MPHOSPH6: variants seen among roughly 807,000 people sequenced by gnomAD.
The protein encoded by MPHOSPH6 is M-phase phosphoprotein 6.
MPHOSPH6 carries 25 observed loss-of-function variants against 21.8 expected under a neutral mutation model. The ratio of observed to expected loss-of-function variants is 1.15; its 90% confidence interval spans 0.83 to 1.60. MPHOSPH6 has a LOEUF of 1.60. Among genes scored for constraint, MPHOSPH6 ranks in the 40% most tolerant of loss-of-function variants. MPHOSPH6 has a pLI of 0.00. For synonymous variants in MPHOSPH6, 84 were observed against 56.5 expected (o/e 1.49, Z -2.18); for missense variants, 269 against 181.8 (o/e 1.48, Z -2.76).
Position 82,149,418 on chromosome 16 carries a change from A to G in MPHOSPH6, c.256-15T>C. ...AGCATCAATTTCTGAAAAATACACC[A>G]GTGCTGACCTTCAGGCTAGAAAACG... is the stretch of plus-strand genomic sequence containing the variant. On this transcript the variant is annotated splice_polypyrimidine_tract_variant and intron_variant, in intron 3 of 4. Transcript: ENST00000258169. The G allele has an allele frequency of 1.2e-6, 2 of 1,607,754 alleles. No homozygotes were observed. Among genetic ancestry groups the G allele is most frequent in the Non-Finnish European group, 1.7e-6 (2 of 1,177,636 alleles).
In MPHOSPH6 at chr16:82,149,366, T is replaced by C; in HGVS notation, c.293A>G (p.Glu98Gly). 6.2e-7 allele frequency: 1 copy of C among 1,613,012 alleles called. No individual in the cohort carries two copies. The highest frequency in any genetic ancestry group is 2.2e-5 in the East Asian group (1 of 44,886). The change falls in exon 4 of 5, where the codon GAA (glutamate) becomes GGA (glycine). Residue 98 changes from glutamate (E) to glycine (G), a missense_variant. Physicochemically the swap from Glu to Gly is moderately conservative, Grantham distance 98 (BLOSUM62 -2). Coordinates refer to ENST00000258169, the MANE Select transcript of MPHOSPH6 (RefSeq NM_005792.2). ...MLQMNAKHKA[E>G]EVEDETVELD... Reference sequence around the variant, plus strand: ...CTCTACTGTTTCATCTTCAACTTCTTCTGCTTTGTGCTTAGCATTCATCTG... The same window carrying C: ...CTCTACTGTTTCATCTTCAACTTCTCCTGCTTTGTGCTTAGCATTCATCTG...
At chr16:82,167,139 T>C (rs1329242826) in intron 1 of MPHOSPH6, among the ~76,000 whole-genome samples, 1 of 152,220 alleles carries the variant, frequency 6.6e-6, no homozygotes, top group Non-Finnish European at 1.5e-5. Flanking sequence ...CCAAAATATT[T>C]ATCATATGGT....
Position 82,148,684 on chromosome 16 carries a change from G to T in MPHOSPH6, c.*47C>A. On this transcript the variant is annotated 3_prime_UTR_variant, in exon 5 of 5. Transcript: ENST00000258169. Reference sequence around the variant, plus strand: ...CATTGGGATGAGCTCCAGATGCCCTGCTGACTTCCACCAAGCACCCCTGGG... The same window carrying T: ...CATTGGGATGAGCTCCAGATGCCCTTCTGACTTCCACCAAGCACCCCTGGG... 1 of 1,602,034 alleles carries T rather than the reference G, an allele frequency of 6.2e-7. No individual in the cohort carries two copies.
At chr16:82,158,636 T>C (rs1304203978) in intron 2 of MPHOSPH6, among the ~76,000 whole-genome samples, 1 of 152,194 alleles carries the variant, frequency 6.6e-6, no homozygotes, top group Admixed American at 6.5e-5. Flanking sequence ...GGGTTTGGGT[T>C]CTTTGGCAGA....
chr16:82,151,853 AT>A (rs1044787992), intron 2 of MPHOSPH6, among the ~76,000 whole-genome samples: 2 of 152,244 alleles, frequency 1.3e-5, no homozygotes, highest in Admixed American at 1.3e-4. Flanking sequence ...CCCTCACCAT[AT>A]TTTTTTCCAA....
chr16:82,149,209 C>G, intron 4 of MPHOSPH6, 100 bp downstream of exon 4: 3 of 1,231,794 alleles, frequency 2.4e-6, no homozygotes, highest in East Asian at 2.3e-5. Context: ...CTGGGGGACT[C>G]CCTTGAAAGC....
At chr16:82,165,484 T>C (rs1906744627) in intron 1 of MPHOSPH6, among the ~76,000 whole-genome samples, 1 of 152,126 alleles carries the variant, frequency 6.6e-6, no homozygotes, top group Admixed American at 6.5e-5. Context: ...TTTTTAGGCA[T>C]AAGCACTTTA....
intron 2 of MPHOSPH6, among the ~76,000 whole-genome samples, chr16:82,156,062 T>C (rs1164255169): frequency 2.0e-5 from 3 of 152,136 alleles, no homozygotes; most frequent in Non-Finnish European, 4.4e-5. Flanking sequence ...GAAAATATCT[T>C]ACCATCTTGG....
At chr16:82,166,931 A>T (rs1906800793) in intron 1 of MPHOSPH6, among the ~76,000 whole-genome samples, 1 of 152,172 alleles carries the variant, frequency 6.6e-6, no homozygotes, top group African/African-American at 2.4e-5. Flanking sequence ...TACAAGTTCG[A>T]TTCTCCTACT....
chr16:82,154,922 C>T (rs1035023918), intron 2 of MPHOSPH6, among the ~76,000 whole-genome samples: 1 of 152,118 alleles, frequency 6.6e-6, no homozygotes, highest in African/African-American at 2.4e-5. Flanking sequence ...TACAATAACT[C>T]TACAGTCTAA....
intron 1 of MPHOSPH6, among the ~76,000 whole-genome samples, chr16:82,169,034 C>T (rs1392879451): frequency 6.6e-6 from 1 of 152,152 alleles, no homozygotes; most frequent in African/African-American, 2.4e-5. Flanking sequence ...AGAGTTACTG[C>T]CTGTAGTCAC....
chr16:82,165,876 A>G (rs1378462727), intron 1 of MPHOSPH6, among the ~76,000 whole-genome samples: 3 of 152,222 alleles, frequency 2.0e-5, no homozygotes, highest in Admixed American at 2.0e-4. Context: ...TTGTTAAATC[A>G]TGTGTTAAGT....
chr16:82,157,273 GAATA>G (rs980297360), intron 2 of MPHOSPH6, among the ~76,000 whole-genome samples: 1 of 152,154 alleles, frequency 6.6e-6, no homozygotes, highest in African/African-American at 2.4e-5. Context: ...ATAGAAGAAT[GAATA>G]GATATACCGT....
intron 2 of MPHOSPH6, among the ~76,000 whole-genome samples, chr16:82,158,334 CAA>C (rs1261577817): frequency 2.3e-5 from 3 of 129,336 alleles, no homozygotes; most frequent in Admixed American, 7.8e-5. Context: ...TAAAAAAATA[CAA>C]AAAAAAAAAA....
At position 82,164,185 on chromosome 16, in the gene MPHOSPH6, T is replaced by C. The variant is rs751749524; in HGVS notation, c.61A>G (p.Arg21Gly). 6.2e-7 allele frequency: 1 copy of C among 1,606,832 alleles called. No homozygotes were observed. Among genetic ancestry groups the C allele is most frequent in the South Asian group, 1.1e-5 (1 of 90,350 alleles). Residue 21 changes from arginine (R) to glycine (G), a missense_variant, in exon 2 of 5, where the codon AGG becomes GGG. Coordinates refer to ENST00000258169, the MANE Select transcript of MPHOSPH6 (RefSeq NM_005792.2). ...TTCTTGGTTTCTGAGTCCAGTCCCC[T>C]TTGCATAAACTGTGAAAACAAACAA... ...KNLLRMKFMQ[R>G]GLDSETKKQL...
In MPHOSPH6 at chr16:82,170,203, G is replaced by C; in HGVS notation, c.-28C>G. On this transcript the variant is annotated 5_prime_UTR_variant, in exon 1 of 5. Transcript: ENST00000258169. ...TAGCTTCCGCCCAGCGCCGCACTCC[G>C]GCCGCGAGCCTCACCGCACATGCGC... 1.9e-6 allele frequency: 3 copies of C among 1,556,250 alleles called. No homozygotes were observed. Among genetic ancestry groups the C allele is most frequent in the East Asian group, 2.6e-5 (1 of 38,722 alleles).
At chr16:82,169,510 C>A (rs147209231) in intron 1 of MPHOSPH6, among the ~76,000 whole-genome samples, 2 of 152,152 alleles carry the variant, frequency 1.3e-5, no homozygotes, top group South Asian at 4.1e-4. Context: ...ACTGGCCCAC[C>A]CTGCAGATTT....
chr16:82,155,478 C>G (rs1906399466), intron 2 of MPHOSPH6, among the ~76,000 whole-genome samples: 1 of 152,152 alleles, frequency 6.6e-6, no homozygotes, highest in Non-Finnish European at 1.5e-5. Context: ...AGTCAACGTA[C>G]AACCTTCAAT....
chr16:82,161,693 G>A (rs1906612830), intron 2 of MPHOSPH6, among the ~76,000 whole-genome samples: 1 of 152,202 alleles, frequency 6.6e-6, no homozygotes, highest in Non-Finnish European at 1.5e-5. Context: ...GGCAGAGGGA[G>A]AAGATAATGG....
Sources: allele counts gnomAD v4.1 joint callset (sites outside exome capture counted in the v4.1 genomes callset), GRCh38; gene constraint gnomAD v4.1.1; transcripts MANE v1.5; gene names NCBI Gene and HGNC (gene_info 2026-07-23, HGNC 2026-07-21).